Variants in GPATCH2 observed in about 807,000 individuals in gnomAD.
GPATCH2 encodes the protein G-patch domain containing 2, also known as G patch domain-containing protein 2.
GPATCH2 carries 51 observed loss-of-function variants against 58.0 expected under a neutral mutation model. The ratio of observed to expected loss-of-function variants is 0.88; its 90% CI spans 0.70 to 1.11. GPATCH2 has a LOEUF of 1.11. Ranked by LOEUF, GPATCH2 falls within the 50% of genes most tolerant of loss-of-function variation. GPATCH2 has a pLI of 0.00. For synonymous variants in GPATCH2, 222 were observed against 218.5 expected (o/e 1.02, Z -0.14); for missense variants, 625 against 652.2 (o/e 0.96, Z 0.45).
At chr1:217,514,093 C>G (rs1389991527) in intron 6 of GPATCH2, among the ~76,000 whole-genome samples, 3 of 151,552 alleles carry the variant, frequency 2.0e-5, no homozygotes, top group Non-Finnish European at 4.4e-5. Flanking sequence ...TCCCAAAGTG[C>G]TGGGATTACA....
intron 5 of GPATCH2, among the ~76,000 whole-genome samples, chr1:217,575,103 G>C (rs956831314): frequency 6.6e-6 from 1 of 151,988 alleles, no homozygotes; most frequent in East Asian, 1.9e-4. Flanking sequence ...AAAGCTTAAG[G>C]TTCCTTCAGT....
At chr1:217,588,995 T>G (rs765359864) in intron 5 of GPATCH2, among the ~76,000 whole-genome samples, 2 of 152,146 alleles carry the variant, frequency 1.3e-5, no homozygotes, top group Non-Finnish European at 2.9e-5. Flanking sequence ...TTTTAGGACA[T>G]TTTCATCGAA....
intron 9 of GPATCH2, among the ~76,000 whole-genome samples, chr1:217,439,278 A>G (rs1659012738): frequency 6.6e-6 from 1 of 152,216 alleles, no homozygotes; most frequent in Admixed American, 6.5e-5. Flanking sequence ...CTGGGAAAAT[A>G]ACGAAATTAA....
chr1:217,606,108 T>TA (rs1372301054), intron 5 of GPATCH2, among the ~76,000 whole-genome samples: 2 of 151,850 alleles, frequency 1.3e-5, no homozygotes, highest in African/African-American at 2.4e-5. Context: ...ATAATTAATT[T>TA]AAAAAATCAG....
At chr1:217,481,129 A>G (rs1259435776) in intron 8 of GPATCH2, among the ~76,000 whole-genome samples, 1 of 152,174 alleles carries the variant, frequency 6.6e-6, no homozygotes, top group African/African-American at 2.4e-5. Flanking sequence ...TAATAATTTA[A>G]CTATACATTT....
At chr1:217,572,264 A>T (rs1007593306) in intron 5 of GPATCH2, among the ~76,000 whole-genome samples, 8 of 152,162 alleles carry the variant, frequency 5.3e-5, no homozygotes, top group Non-Finnish European at 8.8e-5. Flanking sequence ...AATCTAACTT[A>T]TTCTGTGTAA....
chr1:217,590,910 G>C (rs552123950), intron 5 of GPATCH2, among the ~76,000 whole-genome samples: 1 of 152,256 alleles, frequency 6.6e-6, no homozygotes, highest in East Asian at 1.9e-4. Context: ...TCATGGATCT[G>C]GGAGAGGTTA....
At chr1:217,509,347 A>C (rs938303146) in intron 6 of GPATCH2, among the ~76,000 whole-genome samples, 3 of 152,010 alleles carry the variant, frequency 2.0e-5, no homozygotes, top group Admixed American at 2.0e-4. Context: ...TCATCCTCTA[A>C]ATATAAAAGC....
At chr1:217,585,024 CATAATAGACCTT>C (rs888714914) in intron 5 of GPATCH2, among the ~76,000 whole-genome samples, 4 of 151,800 alleles carry the variant, frequency 2.6e-5, no homozygotes, top group African/African-American at 9.7e-5. Flanking sequence ...TAATATAATG[CATAATAGACCTT>C]ATATAATATT....
At chr1:217,466,639 T>C (rs1660465347) in intron 8 of GPATCH2, among the ~76,000 whole-genome samples, 2 of 151,912 alleles carry the variant, frequency 1.3e-5, no homozygotes, top group African/African-American at 4.8e-5. Flanking sequence ...TCAATATTGC[T>C]CACAGTAGGG....
chr1:217,595,482 TCTAA>T (rs1448670360), intron 5 of GPATCH2, among the ~76,000 whole-genome samples: 5 of 151,900 alleles, frequency 3.3e-5, no homozygotes, highest in African/African-American at 1.2e-4. Context: ...AGTTCAGAGA[TCTAA>T]CTGTGATATT....
chr1:217,443,394 T>C (rs1403610167), intron 9 of GPATCH2, among the ~76,000 whole-genome samples: 1 of 152,178 alleles, frequency 6.6e-6, no homozygotes, highest in Non-Finnish European at 1.5e-5. Context: ...ATTTTTAAGT[T>C]TGCTACCGGT....
intron 5 of GPATCH2, among the ~76,000 whole-genome samples, chr1:217,594,851 G>C (rs1411336956): frequency 6.6e-6 from 1 of 152,112 alleles, no homozygotes; most frequent in Non-Finnish European, 1.5e-5. Context: ...TGCCCTCCTT[G>C]TCCTTCACAG....
In GPATCH2 at chr1:217,429,943, G is replaced by A. The variant is rs371832279; in HGVS notation, c.*1202C>T. ...TCTCAGTCTTTACTCAACCAGCAAA[G>A]GCCATTATAAATAGAATGATAATAA... On this transcript the variant is annotated 3_prime_UTR_variant, in exon 10 of 10. Coordinates refer to ENST00000366935, the MANE Select transcript of GPATCH2 (RefSeq NM_018040.5). 2 of 150,650 alleles carry A rather than the reference G, an allele frequency of 1.3e-5. No individual in the cohort carries two copies. Among genetic ancestry groups the A allele is most frequent in the African/African-American group, 4.9e-5 (2 of 40,706 alleles). The allele number at this position is 150,650 out of a possible 1,614,324, so 9.3% of individuals were successfully genotyped here.
chr1:217,540,624 C>T (rs886428868), intron 5 of GPATCH2, among the ~76,000 whole-genome samples: 3 of 152,128 alleles, frequency 2.0e-5, no homozygotes, highest in African/African-American at 7.2e-5. Context: ...TAGTGCTACT[C>T]TTTAAAGGAT....
At chr1:217,446,410 T>C (rs1659389405) in intron 9 of GPATCH2, among the ~76,000 whole-genome samples, 1 of 152,164 alleles carries the variant, frequency 6.6e-6, no homozygotes, top group African/African-American at 2.4e-5. Context: ...CTAGGATTCA[T>C]GCCCTCATTA....
intron 5 of GPATCH2, among the ~76,000 whole-genome samples, chr1:217,539,082 AT>A (rs1286830384): frequency 6.6e-6 from 1 of 152,204 alleles, no homozygotes; most frequent in African/African-American, 2.4e-5. Context: ...AAATAGTTCC[AT>A]AGGTGAAAGT....
chr1:217,503,780 C>T (rs900979278), intron 6 of GPATCH2, among the ~76,000 whole-genome samples: 1 of 151,806 alleles, frequency 6.6e-6, no homozygotes, highest in African/African-American at 2.4e-5. Context: ...AGATGAAGAA[C>T]GTTGAATTCC....
intron 5 of GPATCH2, among the ~76,000 whole-genome samples, chr1:217,526,520 A>G (rs1202361443): frequency 1.3e-5 from 2 of 152,230 alleles, no homozygotes; most frequent in African/African-American, 4.8e-5. Flanking sequence ...GAGGTAAAAT[A>G]TTAGTTAACA....
Sources: gnomAD v4.1 joint callset for allele counts (sites outside exome capture counted in the v4.1 genomes callset) on GRCh38, gnomAD v4.1.1 for gene constraint, MANE v1.5 for transcripts, NCBI Gene and HGNC (gene_info 2026-07-23, HGNC 2026-07-21) for gene names.